SORCS3: variants seen among roughly 807,000 people sequenced by gnomAD.
The protein encoded by SORCS3 is sortilin related VPS10 domain containing receptor 3, also known as VPS10 domain-containing receptor SorCS3.
A neutral mutation model predicts 146.3 loss-of-function variants in SORCS3; 57 were observed. That is an observed-to-expected ratio of 0.39 (90% CI 0.31 to 0.49). SORCS3 has a LOEUF of 0.49. Ranked by LOEUF, SORCS3 falls within the 20% of genes least tolerant of loss-of-function variation. SORCS3 has a pLI of 0.92. For missense variants in SORCS3, 1,341 were observed against 1,575.5 expected (o/e 0.85, Z 2.52); for synonymous variants, 653 against 618.5 (o/e 1.06, Z -0.83).
chr10:105,108,192 G>A (rs945400616), intron 7 of SORCS3, among the ~76,000 whole-genome samples: 4 of 152,122 alleles, frequency 2.6e-5, no homozygotes, highest in Admixed American at 6.6e-5. Flanking sequence ...CTAGGAACAC[G>A]GTGGCAGAAG....
intron 6 of SORCS3, among the ~76,000 whole-genome samples, chr10:105,097,940 C>A (rs957500345): frequency 1.3e-5 from 2 of 152,212 alleles, no homozygotes; most frequent in African/African-American, 4.8e-5. Flanking sequence ...ATGCCACCGT[C>A]CTTTGTTTTC....
At chr10:104,655,185 G>T (rs370277786) in intron 1 of SORCS3, among the ~76,000 whole-genome samples, 1 of 151,592 alleles carries the variant, frequency 6.6e-6, no homozygotes, top group African/African-American at 2.4e-5. Flanking sequence ...CCGGGGAGGC[G>T]GAGGTTGCAG....
chr10:105,042,784 G>A (rs1183747848), intron 4 of SORCS3, among the ~76,000 whole-genome samples: 1 of 152,040 alleles, frequency 6.6e-6, no homozygotes, highest in Non-Finnish European at 1.5e-5. Flanking sequence ...GCCTCTTCTT[G>A]TCTACATGAC....
At chr10:104,999,951 C>T (rs939167479) in intron 4 of SORCS3, among the ~76,000 whole-genome samples, 1 of 152,002 alleles carries the variant, frequency 6.6e-6, no homozygotes, top group African/African-American at 2.4e-5. Context: ...TTACTTGGCC[C>T]CTGGTCCTCC....
At chr10:104,767,606 C>T (rs1420509714) in intron 1 of SORCS3, among the ~76,000 whole-genome samples, 1 of 77,684 alleles carries the variant, frequency 1.3e-5, no homozygotes, top group Non-Finnish European at 2.9e-5. Flanking sequence ...ATTCCTCCCC[C>T]TTCCCCCTTC....
At chr10:104,842,117 G>A (rs1225564823) in intron 1 of SORCS3, among the ~76,000 whole-genome samples, 5 of 152,296 alleles carry the variant, frequency 3.3e-5, no homozygotes, top group South Asian at 4.1e-4. Flanking sequence ...TCTCTGATAC[G>A]TCCAGCTTCC....
intron 4 of SORCS3, among the ~76,000 whole-genome samples, chr10:105,025,043 T>C (rs553964592): frequency 6.6e-6 from 1 of 152,320 alleles, no homozygotes; most frequent in East Asian, 1.9e-4. Flanking sequence ...TTGTCTCATT[T>C]TTCCATTTCA....
At chr10:104,819,628 G>A (rs1320583482) in intron 1 of SORCS3, among the ~76,000 whole-genome samples, 4 of 152,198 alleles carry the variant, frequency 2.6e-5, no homozygotes, top group African/African-American at 4.8e-5. Flanking sequence ...ACCCTTCCAT[G>A]TGCTGGGCAG....
At chr10:104,977,973 G>A (rs376543923) in intron 4 of SORCS3, among the ~76,000 whole-genome samples, 7 of 151,928 alleles carry the variant, frequency 4.6e-5, no homozygotes, top group South Asian at 4.2e-4. Context: ...CTCGTGATCC[G>A]CCCGCCTCGG....
At chr10:105,111,566 C>T (rs1007894220) in intron 7 of SORCS3, among the ~76,000 whole-genome samples, 16 of 152,172 alleles carry the variant, frequency 1.1e-4, no homozygotes, top group African/African-American at 3.4e-4. Context: ...TTGCTCAATG[C>T]GTAAGAAATG....
intron 4 of SORCS3, among the ~76,000 whole-genome samples, chr10:105,039,781 C>A (rs879346357): frequency 6.6e-6 from 1 of 152,028 alleles, no homozygotes; most frequent in African/African-American, 2.4e-5. Context: ...TTAGAAAGAG[C>A]GTGAGAGGAC....
At chr10:105,197,783 C>G (rs533025083) in intron 14 of SORCS3, among the ~76,000 whole-genome samples, 2 of 152,268 alleles carry the variant, frequency 1.3e-5, no homozygotes, top group South Asian at 4.1e-4. Context: ...TTAAATTAAG[C>G]CTGTCTCTTT....
In SORCS3 at chr10:105,217,258, T is replaced by C. The variant is rs2056670977; in HGVS notation, c.2734+136T>C. On this transcript the variant is annotated intron_variant, in intron 19 of 26. Transcript: ENST00000369701. ...TTACCCAAACCAAATGGTGGAGATA[T>C]GTACTCATCTGTGTTTCTGAGTATT... The C allele has an allele frequency of 9.3e-6, 7 of 752,898 alleles. No homozygotes were observed. In the South Asian group the frequency reaches 1.0e-4, roughly 11 times the overall value. The allele number at this position is 752,898 out of a possible 1,614,324, so 46.6% of individuals were successfully genotyped here.
At chr10:104,664,967 A>T (rs1409729762) in intron 1 of SORCS3, 1 of 152,782 alleles carries the variant, frequency 6.5e-6, no homozygotes, top group Non-Finnish European at 1.5e-5. Context: ...TTCCTGGTCA[A>T]GGAGACAGCA....
intron 22 of SORCS3, 67 bp downstream of exon 22, chr10:105,247,398 A>T: frequency 1.2e-6 from 1 of 834,510 alleles, no homozygotes; most frequent in Non-Finnish European, 2.0e-6. Context: ...TGTGGTCCAC[A>T]ATACATTGGC....
intron 22 of SORCS3, among the ~76,000 whole-genome samples, chr10:105,247,566 A>G (rs1225487984): frequency 1.3e-5 from 2 of 152,132 alleles, no homozygotes; most frequent in Non-Finnish European, 2.9e-5. Flanking sequence ...CCTGGCCAAC[A>G]TAGCAAAACT....
intron 19 of SORCS3, among the ~76,000 whole-genome samples, chr10:105,217,342 G>A (rs146741486): frequency 1.1e-4 from 17 of 152,286 alleles, no homozygotes; most frequent in African/African-American, 1.7e-4. Context: ...CACCTGGGCC[G>A]TCCTTTTCAG....
At chr10:105,023,448 G>A (rs74155094) in intron 4 of SORCS3, among the ~76,000 whole-genome samples, 2,241 of 152,198 alleles carry the variant, frequency 0.015, 51 homozygotes, top group African/African-American at 0.051. Flanking sequence ...GGAGAACTGT[G>A]GGGGGAGCCT....
intron 15 of SORCS3, 51 bp downstream of exon 15, chr10:105,200,167 G>A (rs2056566391): frequency 2.1e-6 from 3 of 1,430,228 alleles, no homozygotes; most frequent in East Asian, 4.6e-5. Flanking sequence ...AGGAGCTAGT[G>A]CAAGTCCGAC....
Sources: allele counts gnomAD v4.1 joint callset (sites outside exome capture counted in the v4.1 genomes callset), GRCh38; gene constraint gnomAD v4.1.1; transcripts MANE v1.5; gene names NCBI Gene and HGNC (gene_info 2026-07-23, HGNC 2026-07-21).